The following FUT9 variants were observed in gnomAD, a reference collection of about 807,000 sequenced individuals.
The protein encoded by FUT9 is fucosyltransferase 9.
Under a neutral mutation model 29.7 loss-of-function variants are expected in FUT9, and 15 were observed. The ratio of observed to expected loss-of-function variants is 0.51; its 90% confidence interval spans 0.34 to 0.78. The LOEUF (loss-of-function observed/expected upper bound fraction) is 0.78. Among genes scored for constraint, FUT9 ranks in the 30% least tolerant of loss-of-function variants. FUT9 has a pLI of 0.01. For synonymous variants in FUT9, 169 were observed against 153.7 expected, an observed-to-expected ratio of 1.10 and a Z score of -0.74; for missense variants, 319 against 425.4, an observed-to-expected ratio of 0.75 and a Z score of 2.20.
intron 2 of FUT9, among the ~76,000 whole-genome samples, chr6:96,144,638 G>T (rs1378777739): frequency 6.6e-6 from 1 of 152,086 alleles, no homozygotes; most frequent in Non-Finnish European, 1.5e-5. Flanking sequence ...ATTCCAAATG[G>T]GAGGAGGCTA....
At chr6:96,136,878 T>C (rs1300837562) in intron 2 of FUT9, among the ~76,000 whole-genome samples, 2 of 152,032 alleles carry the variant, frequency 1.3e-5, no homozygotes, top group Non-Finnish European at 1.5e-5. Flanking sequence ...ATATAACTTT[T>C]AGTATCCCTT....
chr6:96,058,813 C>A (rs910989829), intron 1 of FUT9, among the ~76,000 whole-genome samples: 1 of 152,024 alleles, frequency 6.6e-6, no homozygotes, highest in African/African-American at 2.4e-5. Context: ...ATTATCTGTA[C>A]TGATTATACT....
Position 96,203,809 on chromosome 6 carries a change from CG to C in FUT9, c.657del (p.Gln220LysfsTer12). On this transcript the variant is annotated frameshift_variant, in exon 3 of 3. Transcript: ENST00000302103. LOFTEE classifies it high-confidence loss of function. ...GCAAAAGCATTGAAATCCATACCTA[CG>C]GGCAAGCATTTGGAGAATATGTCAA... ...LSKSIEIHTY[G>X]QAFGEYVNDK... 6.2e-7 allele frequency: 1 copy of C among 1,612,628 alleles called. No homozygotes were observed. The highest frequency in any genetic ancestry group is 1.1e-5 in the South Asian group (1 of 91,030).
chr6:96,118,632 G>A, intron 2 of FUT9, among the ~76,000 whole-genome samples: 1 of 152,164 alleles, frequency 6.6e-6, no homozygotes, highest in Non-Finnish European at 1.5e-5. Flanking sequence ...ATTATTTAGA[G>A]TGTACTTCTA....
intron 1 of FUT9, among the ~76,000 whole-genome samples, chr6:96,034,324 G>A (rs1770316034): frequency 6.6e-6 from 1 of 151,328 alleles, no homozygotes; most frequent in Non-Finnish European, 1.5e-5. Context: ...TGAGGTTATG[G>A]TTAAGCACTG....
chr6:96,091,055 C>G (rs1771404143), intron 1 of FUT9, among the ~76,000 whole-genome samples: 1 of 151,896 alleles, frequency 6.6e-6, no homozygotes, highest in Non-Finnish European at 1.5e-5. Flanking sequence ...GCTATTTACC[C>G]CATCTCAAAT....
At chr6:96,115,229 T>G (rs4427010) in intron 2 of FUT9, among the ~76,000 whole-genome samples, 138,923 of 152,236 alleles carry the variant, frequency 0.91, 64,422 homozygotes, top group East Asian at 1. Context: ...AAAGTAAAAA[T>G]AAGCAGGTGA....
Position 96,214,853 on chromosome 6 carries a change from G to A in FUT9, c.*10618G>A, listed in dbSNP as rs1442279201. ...TTATTTATTTATTTACAGAAGATTG[G>A]TTCCTTCCAGTTCAATTTAACAGCT... On this transcript the variant is annotated 3_prime_UTR_variant, in exon 3 of 3. Transcript: ENST00000302103. The A allele has an allele frequency of 6.0e-6, 1 of 166,846 alleles. No homozygotes were observed. The highest frequency in any genetic ancestry group is 1.5e-5 in the Non-Finnish European group (1 of 68,048). 10.3% of individuals were successfully genotyped at this position (166,846 alleles called of 1,614,324 possible).
intron 2 of FUT9, among the ~76,000 whole-genome samples, chr6:96,202,802 A>G (rs1050926823): frequency 6.6e-6 from 1 of 152,174 alleles, no homozygotes; most frequent in African/African-American, 2.4e-5. Flanking sequence ...ACAAAATACT[A>G]AAAATTTTAG....
At chr6:96,047,246 T>C (rs1770579710) in intron 1 of FUT9, among the ~76,000 whole-genome samples, 1 of 152,192 alleles carries the variant, frequency 6.6e-6, no homozygotes, top group African/African-American at 2.4e-5. Context: ...AATGCCTCAG[T>C]TATGCAAATT....
At chr6:96,104,274 A>T (rs2127957967) in intron 1 of FUT9, among the ~76,000 whole-genome samples, 1 of 152,312 alleles carries the variant, frequency 6.6e-6, no homozygotes, top group East Asian at 1.9e-4. Context: ...ACTTAAGCAG[A>T]AAATTTAGGT....
chr6:96,088,533 TGTGTGTGTG>T (rs1305061166), intron 1 of FUT9, among the ~76,000 whole-genome samples: 2 of 5,638 alleles, frequency 3.5e-4, no homozygotes, highest in East Asian at 0.5. Context: ...GTTTGTTTTG[TGTGTGTGTG>T]TGTGTGTGTG....
chr6:96,039,859 T>C (rs912362790), intron 1 of FUT9, among the ~76,000 whole-genome samples: 1 of 152,118 alleles, frequency 6.6e-6, no homozygotes, highest in Non-Finnish European at 1.5e-5. Context: ...TTCCTTTCCA[T>C]GTGGGGTTTT....
intron 1 of FUT9, among the ~76,000 whole-genome samples, chr6:96,033,621 T>G (rs1046157490): frequency 1.3e-5 from 2 of 151,690 alleles, no homozygotes; most frequent in Admixed American, 6.6e-5. Context: ...CATAAAAATT[T>G]TATTGACATA....
intron 2 of FUT9, among the ~76,000 whole-genome samples, chr6:96,185,147 A>G (rs942827183): frequency 8.5e-5 from 6 of 70,246 alleles, no homozygotes; most frequent in Non-Finnish European, 2.7e-4. Context: ...CAATATTTTT[A>G]GAATTTTTTT....
intron 2 of FUT9, among the ~76,000 whole-genome samples, chr6:96,170,185 T>C (rs780934664): frequency 6.6e-6 from 1 of 152,158 alleles, no homozygotes; most frequent in Non-Finnish European, 1.5e-5. Flanking sequence ...ACCTATAAGT[T>C]GGTGATGTGA....
At chr6:96,097,696 A>G (rs890226283) in intron 1 of FUT9, among the ~76,000 whole-genome samples, 4 of 152,146 alleles carry the variant, frequency 2.6e-5, no homozygotes, top group Non-Finnish European at 5.9e-5. Context: ...AGCTCTATTT[A>G]GATAGAGCTC....
chr6:96,181,460 G>A (rs1048200766), intron 2 of FUT9, among the ~76,000 whole-genome samples: 1 of 151,096 alleles, frequency 6.6e-6, no homozygotes, highest in Admixed American at 6.6e-5. Flanking sequence ...TTTTTCATAG[G>A]TTATTGGGGG....
intron 2 of FUT9, among the ~76,000 whole-genome samples, chr6:96,124,388 G>T (rs142869380): frequency 6.6e-6 from 1 of 152,118 alleles, no homozygotes; most frequent in East Asian, 1.9e-4. Context: ...CTGACCTTGT[G>T]ATCAGCCCAC....
Sources: gnomAD v4.1 joint callset for allele counts (sites outside exome capture counted in the v4.1 genomes callset) on GRCh38, gnomAD v4.1.1 for gene constraint, MANE v1.5 for transcripts, NCBI Gene and HGNC (gene_info 2026-07-23, HGNC 2026-07-21) for gene names.